Variants in DTNB observed in about 807,000 individuals in gnomAD.
DTNB encodes the protein dystrobrevin beta, also known as DTN-B.
Under a neutral mutation model 90.7 loss-of-function variants are expected in DTNB, and 63 were observed. The ratio of observed to expected loss-of-function variants is 0.69; its 90% CI spans 0.57 to 0.86. The LOEUF (loss-of-function observed/expected upper bound fraction) is 0.86, where lower values mean the gene tolerates loss of function less well. Ranked by LOEUF, DTNB falls within the 40% of genes least tolerant of loss-of-function variation. The pLI, the probability that DTNB is intolerant of heterozygous loss-of-function variation, is 0.00. For missense variants in DTNB, 744 were observed against 807.1 expected (o/e 0.92, Z 0.95); for synonymous variants, 277 against 286.7 (o/e 0.97, Z 0.34).
intron 19 of DTNB, among the ~76,000 whole-genome samples, chr2:25,380,961 C>T (rs1199039176): frequency 6.6e-6 from 1 of 152,194 alleles, no homozygotes; most frequent in Non-Finnish European, 1.5e-5. Flanking sequence ...GAGGCATGGC[C>T]CACACTCAGA....
intron 10 of DTNB, among the ~76,000 whole-genome samples, chr2:25,479,877 G>A (rs1257659082): frequency 6.6e-6 from 1 of 152,120 alleles, no homozygotes; most frequent in Non-Finnish European, 1.5e-5. Flanking sequence ...TCTTATTCTG[G>A]AGAGTAGCTG....
chr2:25,459,926 T>G (rs550529542), intron 10 of DTNB, among the ~76,000 whole-genome samples: 1 of 152,068 alleles, frequency 6.6e-6, no homozygotes, highest in Non-Finnish European at 1.5e-5. Flanking sequence ...TTGGGCAACA[T>G]AGCAAGACCC....
At chr2:25,483,338 G>A (rs2065387913) in intron 9 of DTNB, among the ~76,000 whole-genome samples, 1 of 152,130 alleles carries the variant, frequency 6.6e-6, no homozygotes, top group South Asian at 2.1e-4. Flanking sequence ...TCACAACATC[G>A]AGGTGCATGC....
intron 6 of DTNB, among the ~76,000 whole-genome samples, chr2:25,588,434 C>T (rs1211131887): frequency 1.3e-5 from 2 of 151,402 alleles, no homozygotes; most frequent in African/African-American, 2.4e-5. Context: ...GGCATGATCT[C>T]GGCTCACTGC....
chr2:25,637,442 T>A (rs1021514590), intron 3 of DTNB, among the ~76,000 whole-genome samples: 32 of 151,940 alleles, frequency 2.1e-4, no homozygotes, highest in African/African-American at 7.5e-4. Context: ...TGGGAGAAAA[T>A]TTTTGCCACC....
At chr2:25,566,306 G>A (rs142521243) in intron 8 of DTNB, among the ~76,000 whole-genome samples, 2 of 152,280 alleles carry the variant, frequency 1.3e-5, no homozygotes, top group East Asian at 1.9e-4. Context: ...CAAATTGTGC[G>A]AACAGGGAGC....
At chr2:25,449,769 T>C (rs958927378) in intron 12 of DTNB, among the ~76,000 whole-genome samples, 2 of 49,644 alleles carry the variant, frequency 4.0e-5, no homozygotes, top group African/African-American at 1.1e-4. Context: ...TTTCTTTTTC[T>C]TTTTTTTTTT....
intron 12 of DTNB, among the ~76,000 whole-genome samples, chr2:25,439,808 G>A (rs2056957338): frequency 6.6e-6 from 1 of 152,058 alleles, no homozygotes; most frequent in Non-Finnish European, 1.5e-5. Context: ...AATGTAGGAG[G>A]CAGCACAATG....
chr2:25,493,383 C>CT (rs1343170337), intron 9 of DTNB, among the ~76,000 whole-genome samples: 2 of 152,060 alleles, frequency 1.3e-5, no homozygotes, highest in Non-Finnish European at 2.9e-5. Flanking sequence ...TGAATCAGAC[C>CT]TTTTTCTTCT....
intron 8 of DTNB, among the ~76,000 whole-genome samples, chr2:25,547,991 T>G (rs1157917285): frequency 6.6e-6 from 1 of 152,240 alleles, no homozygotes; most frequent in Non-Finnish European, 1.5e-5. Flanking sequence ...AAAGCAAAAC[T>G]GTCTGTACCC....
At chr2:25,520,841 T>TA (rs1237947422) in intron 9 of DTNB, among the ~76,000 whole-genome samples, 1 of 152,164 alleles carries the variant, frequency 6.6e-6, no homozygotes, top group Non-Finnish European at 1.5e-5. Flanking sequence ...TAGAACAAAT[T>TA]AGAGCCACAT....
In DTNB at chr2:25,562,420, T is replaced by G. The variant is rs192503454; in HGVS notation, c.876+14418A>C. On this transcript the variant is annotated intron_variant, in intron 8 of 20. Coordinates refer to ENST00000406818, the MANE Select transcript of DTNB (RefSeq NM_021907.5). Reference sequence around the variant, plus strand: ...ATACAAGTTTTTGTGGAGACATGTATTTTCAGTTCTCAAGGGTGTATACCT... The same window carrying G: ...ATACAAGTTTTTGTGGAGACATGTAGTTTCAGTTCTCAAGGGTGTATACCT... 2.4e-3 allele frequency among the ~76,000 whole-genome samples: 371 copies of G among 152,320 alleles called. 1 individual carries two copies. The highest frequency in any genetic ancestry group is 4.2e-3 in the Admixed American group (64 of 15,296).
chr2:25,590,728 T>C (rs2063398172), intron 6 of DTNB, among the ~76,000 whole-genome samples: 1 of 152,156 alleles, frequency 6.6e-6, no homozygotes, highest in South Asian at 2.1e-4. Flanking sequence ...TGCTGACAGG[T>C]TCATGGGTGG....
At chr2:25,494,273 T>C (rs2068264870) in intron 9 of DTNB, among the ~76,000 whole-genome samples, 1 of 152,212 alleles carries the variant, frequency 6.6e-6, no homozygotes, top group African/African-American at 2.4e-5. Context: ...TGGACACTAC[T>C]TGTATCTGCT....
In DTNB at chr2:25,558,724, A is replaced by G. The variant is rs2057765798; in HGVS notation, c.876+18114T>C. 3.3e-5 allele frequency among the ~76,000 whole-genome samples: 5 copies of G among 152,242 alleles called. No homozygotes were observed. The South Asian group carries it at 1.0e-3, about 31-fold the overall frequency. On this transcript the variant is annotated intron_variant, in intron 8 of 20. Transcript: ENST00000406818. ...AAGTGGTTTTATGAATAAATCGTGCATGCAAACAACACAGTAGAATTGGGC... is the reference window on the plus strand; with the variant it reads ...AAGTGGTTTTATGAATAAATCGTGCGTGCAAACAACACAGTAGAATTGGGC...
At chr2:25,428,788 G>A (rs560270648) in intron 14 of DTNB, among the ~76,000 whole-genome samples, 1 of 152,234 alleles carries the variant, frequency 6.6e-6, no homozygotes, top group East Asian at 1.9e-4. Flanking sequence ...TGGCCTCAAA[G>A]TTGAGTATCA....
At chr2:25,467,284 T>C (rs2061961075) in intron 10 of DTNB, among the ~76,000 whole-genome samples, 1 of 145,716 alleles carries the variant, frequency 6.9e-6, no homozygotes, top group Non-Finnish European at 1.5e-5. Flanking sequence ...GATGTAATCT[T>C]TGTTTTCTTT....
chr2:25,544,710 A>T (rs975125155), intron 8 of DTNB, among the ~76,000 whole-genome samples: 1 of 152,192 alleles, frequency 6.6e-6, no homozygotes, highest in African/African-American at 2.4e-5. Context: ...CAGTCCTTTA[A>T]TCATGCCTCA....
At chr2:25,551,615 T>C (rs1454290950) in intron 8 of DTNB, among the ~76,000 whole-genome samples, 1 of 152,254 alleles carries the variant, frequency 6.6e-6, no homozygotes, top group Admixed American at 6.5e-5. Context: ...CACTTAAAGA[T>C]ATCTTACAGC....
Sources: allele counts gnomAD v4.1 joint callset (sites outside exome capture counted in the v4.1 genomes callset), GRCh38; gene constraint gnomAD v4.1.1; transcripts MANE v1.5; gene names NCBI Gene and HGNC (gene_info 2026-07-23, HGNC 2026-07-21).